The following SNTG1 variants were observed in gnomAD, a reference collection of about 807,000 sequenced individuals.
The protein encoded by SNTG1 is gamma-1-syntrophin.
SNTG1 carries 39 observed loss-of-function variants against 74.7 expected under a neutral mutation model. That is an observed-to-expected ratio of 0.52 (90% CI 0.40 to 0.68). SNTG1 has a LOEUF of 0.68. SNTG1 is among the 30% of genes least tolerant of loss of function. The pLI is 0.00. For synonymous variants in SNTG1, 254 were observed against 217.1 expected, an observed-to-expected ratio of 1.17 and a Z score of -1.49; for missense variants, 685 against 609.5, an observed-to-expected ratio of 1.12 and a Z score of -1.30.
chr8:50,484,102 CTCTTTCTTTCTT>C (rs775691106), intron 8 of SNTG1, among the ~76,000 whole-genome samples: 6 of 110,846 alleles, frequency 5.4e-5, no homozygotes, highest in African/African-American at 1.8e-4. Context: ...CTTTCTTTCT[CTCTTTCTTTCTT>C]TCTTTCTTTC....
intron 4 of SNTG1, among the ~76,000 whole-genome samples, chr8:50,402,573 A>G (rs938081438): frequency 6.6e-6 from 1 of 152,148 alleles, no homozygotes; most frequent in African/African-American, 2.4e-5. Context: ...TATGACTCCT[A>G]GCTGTCATCA....
intron 11 of SNTG1, among the ~76,000 whole-genome samples, chr8:50,547,989 C>G (rs1482808872): frequency 6.6e-6 from 1 of 152,092 alleles, no homozygotes. Context: ...AAAATGATGT[C>G]CAGGTAAGCA....
intron 12 of SNTG1, among the ~76,000 whole-genome samples, chr8:50,554,787 A>G (rs1007461045): frequency 1.3e-5 from 2 of 152,194 alleles, no homozygotes; most frequent in Non-Finnish European, 2.9e-5. Context: ...ACACAGAAAA[A>G]TACCTGAGAG....
intron 2 of SNTG1, among the ~76,000 whole-genome samples, chr8:50,241,713 G>A (rs1333568738): frequency 1.3e-5 from 2 of 152,186 alleles, no homozygotes; most frequent in East Asian, 3.9e-4. Context: ...TTTTCATAGT[G>A]TGCCAACATG....
At chr8:50,335,030 A>G (rs1459535339) in intron 2 of SNTG1, among the ~76,000 whole-genome samples, 2 of 152,214 alleles carry the variant, frequency 1.3e-5, no homozygotes, top group Non-Finnish European at 2.9e-5. Context: ...AATATTAGGT[A>G]GTCAATATAT....
chr8:50,397,248 C>T (rs1398807029), intron 3 of SNTG1, among the ~76,000 whole-genome samples: 4 of 152,012 alleles, frequency 2.6e-5, no homozygotes, highest in Middle Eastern at 3.2e-3. Context: ...GCAAAGTCAA[C>T]GAAGTTTGGA....
At chr8:49,987,603 G>A (rs1487300975) in intron 1 of SNTG1, among the ~76,000 whole-genome samples, 4 of 151,608 alleles carry the variant, frequency 2.6e-5, no homozygotes, top group Non-Finnish European at 5.9e-5. Context: ...ATAATATTAG[G>A]TCGGTGCAAA....
intron 1 of SNTG1, among the ~76,000 whole-genome samples, chr8:49,938,586 TCTTTTCTTTTC>T (rs1323443746): frequency 5.1e-5 from 2 of 39,202 alleles, no homozygotes; most frequent in African/African-American, 1.5e-4. Context: ...TCTTTTCTTT[TCTTTTCTTTTC>T]TTTTCTTTTC....
At chr8:50,418,287 T>C (rs2093038509) in intron 4 of SNTG1, among the ~76,000 whole-genome samples, 1 of 152,104 alleles carries the variant, frequency 6.6e-6, no homozygotes, top group African/African-American at 2.4e-5. Flanking sequence ...CTAATTTTAC[T>C]TGTGTTTTCA....
intron 12 of SNTG1, among the ~76,000 whole-genome samples, chr8:50,587,493 C>A (rs905282987): frequency 2.6e-5 from 4 of 152,066 alleles, no homozygotes; most frequent in African/African-American, 9.7e-5. Flanking sequence ...ACTTTATACT[C>A]TCTGTGTGTG....
In SNTG1 at chr8:50,181,514, G is replaced by T. The variant is rs375869827; in HGVS notation, c.-28+8879G>T. On this transcript the variant is annotated intron_variant, in intron 2 of 18. Coordinates refer to ENST00000642720, the MANE Select transcript of SNTG1 (RefSeq NM_018967.5). ...AGAGTTTTTCAGGTGCTATTTCTGGGCTATACATTCTCATTTTATAAATTT... is the reference window on the plus strand; with the variant it reads ...AGAGTTTTTCAGGTGCTATTTCTGGTCTATACATTCTCATTTTATAAATTT... Among the ~76,000 whole-genome samples, 64 of 152,168 alleles carry T rather than the reference G, an allele frequency of 4.2e-4. 1 individual carries two copies. In the South Asian group the frequency reaches 8.1e-3, roughly 19 times the overall value.
At position 49,947,896 on chromosome 8, in the gene SNTG1, C is replaced by T. The variant is rs966509814; in HGVS notation, c.-103+35665C>T. On this transcript the variant is annotated intron_variant, in intron 1 of 18. Transcript: ENST00000642720. ...CTATAATCTCATCACTTTGGGAGGC[C>T]GAGGTTGGCAGATCACATGAGGTAA... 3.3e-5 allele frequency among the ~76,000 whole-genome samples: 5 copies of T among 152,144 alleles called. No homozygotes were observed. In the South Asian group the frequency reaches 6.2e-4, roughly 19 times the overall value.
intron 15 of SNTG1, among the ~76,000 whole-genome samples, chr8:50,679,470 C>G (rs2095322689): frequency 6.6e-6 from 1 of 152,070 alleles, no homozygotes; most frequent in African/African-American, 2.4e-5. Flanking sequence ...TTACTATTAT[C>G]AATAAGTCTG....
chr8:50,431,092 G>A (rs9650165), intron 4 of SNTG1, among the ~76,000 whole-genome samples: 130,218 of 152,192 alleles, frequency 0.86, 55,814 homozygotes, highest in Non-Finnish European at 0.89. Context: ...CATTCGTAAT[G>A]TAGTTCAAGT....
intron 2 of SNTG1, among the ~76,000 whole-genome samples, chr8:50,176,338 C>A (rs1467316926): frequency 6.6e-6 from 1 of 152,154 alleles, no homozygotes; most frequent in African/African-American, 2.4e-5. Flanking sequence ...ATTGACTTCA[C>A]TTGGAAATCA....
chr8:49,946,181 T>C (rs1809170255), intron 1 of SNTG1, among the ~76,000 whole-genome samples: 1 of 151,784 alleles, frequency 6.6e-6, no homozygotes, highest in African/African-American at 2.4e-5. Context: ...TTTCCAGCTG[T>C]ACCGTTTTTG....
chr8:49,932,575 G>T (rs1186156521), intron 1 of SNTG1, among the ~76,000 whole-genome samples: 1 of 151,528 alleles, frequency 6.6e-6, no homozygotes, highest in Non-Finnish European at 1.5e-5. Context: ...CGTATTTAAT[G>T]ACAATTTATT....
intron 13 of SNTG1, among the ~76,000 whole-genome samples, chr8:50,636,213 C>A (rs2095038265): frequency 6.6e-6 from 1 of 150,936 alleles, no homozygotes; most frequent in Non-Finnish European, 1.5e-5. Context: ...AGAAAGGACT[C>A]TTTTTCAGAG....
chr8:50,781,301 G>C (rs954485716), intron 18 of SNTG1, among the ~76,000 whole-genome samples: 1 of 152,080 alleles, frequency 6.6e-6, no homozygotes, highest in Non-Finnish European at 1.5e-5. Context: ...GTTGACAGTG[G>C]GGTGTTAAAG....
Sources: gnomAD v4.1 joint callset for allele counts (sites outside exome capture counted in the v4.1 genomes callset) on GRCh38, gnomAD v4.1.1 for gene constraint, MANE v1.5 for transcripts, NCBI Gene and HGNC (gene_info 2026-07-23, HGNC 2026-07-21) for gene names.